ERC1: variants seen among roughly 807,000 people sequenced by gnomAD.
ERC1 encodes the protein RAB6 interacting protein 2.
In ERC1, 56 loss-of-function variants were observed where a neutral mutation model predicts 132.0. The ratio of observed to expected loss-of-function variants is 0.42; its 90% CI spans 0.34 to 0.53. The LOEUF (loss-of-function observed/expected upper bound fraction) is 0.53, where lower values mean the gene tolerates loss of function less well. Ranked by LOEUF, ERC1 falls within the 20% of genes least tolerant of loss-of-function variation. The pLI, the probability that ERC1 is intolerant of heterozygous loss-of-function variation, is 0.03. For missense variants in ERC1, 1,202 were observed against 1,349.9 expected (o/e 0.89, Z 1.72); for synonymous variants, 478 against 476.1 (o/e 1.00, Z -0.05).
chr12:1,149,429 C>T (rs1722089841), intron 8 of ERC1, among the ~76,000 whole-genome samples: 1 of 152,138 alleles, frequency 6.6e-6, no homozygotes, highest in Admixed American at 6.5e-5. Flanking sequence ...GACAGGGTCT[C>T]ACTGTGTTGC....
At chr12:1,317,891 G>A (rs1374894548) in intron 15 of ERC1, among the ~76,000 whole-genome samples, 1 of 152,000 alleles carries the variant, frequency 6.6e-6, no homozygotes, top group Non-Finnish European at 1.5e-5. Context: ...TCACATAAAG[G>A]GGCTTCTTCT....
At chr12:1,070,249 C>T (rs915778161) in intron 2 of ERC1, among the ~76,000 whole-genome samples, 1 of 151,920 alleles carries the variant, frequency 6.6e-6, no homozygotes, top group Admixed American at 6.6e-5. Flanking sequence ...TGGAAGTGTT[C>T]TTTAAAATCA....
chr12:1,113,871 G>A (rs1316280167), intron 6 of ERC1, among the ~76,000 whole-genome samples: 3 of 152,266 alleles, frequency 2.0e-5, no homozygotes, highest in South Asian at 2.1e-4. Flanking sequence ...ATTATTCAGG[G>A]ACACATAGCT....
At chr12:1,282,438 GTAAT>G (rs2078744118) in intron 14 of ERC1, among the ~76,000 whole-genome samples, 2 of 152,128 alleles carry the variant, frequency 1.3e-5, no homozygotes, top group Non-Finnish European at 2.9e-5. Flanking sequence ...AATAATGTAA[GTAAT>G]TATTATTGCA....
chr12:1,297,728 AAC>A (rs1237944924), intron 15 of ERC1, among the ~76,000 whole-genome samples: 2 of 151,570 alleles, frequency 1.3e-5, no homozygotes, highest in Non-Finnish European at 2.9e-5. Context: ...AAAAAAAAAA[AAC>A]ACAGACATGG....
intron 15 of ERC1, among the ~76,000 whole-genome samples, chr12:1,349,183 G>C (rs149739617): frequency 2.0e-5 from 3 of 152,330 alleles, no homozygotes; most frequent in African/African-American, 4.8e-5. Flanking sequence ...ACTGGAGTCA[G>C]TTCCGTGTTT....
At chr12:1,207,414 C>T (rs937313377) in intron 12 of ERC1, among the ~76,000 whole-genome samples, 1 of 152,038 alleles carries the variant, frequency 6.6e-6, no homozygotes, top group Non-Finnish European at 1.5e-5. Context: ...GGAGAATGAT[C>T]GTTATTATTT....
intron 7 of ERC1, among the ~76,000 whole-genome samples, chr12:1,139,420 C>A (rs555906818): frequency 2.1e-4 from 32 of 152,200 alleles, no homozygotes; most frequent in African/African-American, 7.5e-4. Flanking sequence ...CATATTGTTA[C>A]AATTGTTCTA....
At chr12:1,276,956 C>A (rs1048669184) in intron 14 of ERC1, among the ~76,000 whole-genome samples, 13 of 152,090 alleles carry the variant, frequency 8.5e-5, no homozygotes, top group Non-Finnish European at 1.6e-4. Context: ...TTCATCTGAA[C>A]AGAAGAACTT....
intron 5 of ERC1, 36 bp from the exon 6 acceptor site, chr12:1,112,179 A>T: frequency 7.0e-7 from 1 of 1,438,840 alleles, no homozygotes; most frequent in Non-Finnish European, 9.8e-7. Flanking sequence ...ACCTAAGTTG[A>T]CACATAAGTG....
At chr12:1,106,788 C>A (rs533184992) in intron 4 of ERC1, among the ~76,000 whole-genome samples, 2 of 152,156 alleles carry the variant, frequency 1.3e-5, no homozygotes, top group East Asian at 3.9e-4. Context: ...TGTTTAACTG[C>A]CTTTTGACAG....
chr12:1,440,369 T>G (rs1415542699), intron 17 of ERC1, among the ~76,000 whole-genome samples: 1 of 149,304 alleles, frequency 6.7e-6, no homozygotes, highest in Non-Finnish European at 1.5e-5. Flanking sequence ...CACGCCCGGC[T>G]AATTTTTTTT....
chr12:1,467,411 T>C (rs925608639), intron 18 of ERC1, among the ~76,000 whole-genome samples: 4 of 152,012 alleles, frequency 2.6e-5, no homozygotes, highest in African/African-American at 7.2e-5. Context: ...AAAGGAGGGT[T>C]CAAAAAAGGG....
chr12:1,091,504 C>T (rs541778806), intron 3 of ERC1, among the ~76,000 whole-genome samples: 2 of 152,262 alleles, frequency 1.3e-5, no homozygotes, highest in South Asian at 4.1e-4. Flanking sequence ...AAGGGGAAGA[C>T]TTAATGAGAT....
At chr12:1,250,381 T>C (rs907929727) in intron 13 of ERC1, among the ~76,000 whole-genome samples, 2 of 152,238 alleles carry the variant, frequency 1.3e-5, no homozygotes, top group Non-Finnish European at 2.9e-5. Flanking sequence ...TACTTTTCAA[T>C]ACATTGTTTT....
chr12:1,470,636 T>C (rs2093842264), intron 18 of ERC1, among the ~76,000 whole-genome samples: 1 of 152,162 alleles, frequency 6.6e-6, no homozygotes, highest in Admixed American at 6.5e-5. Context: ...GCCCTTAATT[T>C]GAACGTCTCT....
chr12:1,138,667 G>T (rs900586879), intron 7 of ERC1, among the ~76,000 whole-genome samples: 1 of 151,956 alleles, frequency 6.6e-6, no homozygotes, highest in African/African-American at 2.4e-5. Flanking sequence ...TGTGAACAAT[G>T]ACAAGAAAGA....
At chr12:1,356,199 CA>C (rs559125501) in intron 15 of ERC1, among the ~76,000 whole-genome samples, 3,296 of 110,482 alleles carry the variant, frequency 0.03, 50 homozygotes, top group Middle Eastern at 0.093. Flanking sequence ...GTGAGACTGT[CA>C]AAAAAAAAAA....
Position 1,028,168 on chromosome 12 carries a change from A to G in ERC1, c.265A>G (p.Met89Val). ...GGGTTCAGAAACACCTAAAAGCACC[A>G]TGACACTTGGCCGTTCTGGGGGACG... ...NVGSETPKSTMTLGRSGGRLP... is the reference protein window; with the variant it reads ...NVGSETPKSTVTLGRSGGRLP... The change falls in exon 2 of 19, where the codon ATG (methionine) becomes GTG (valine). Residue 89 changes from methionine (M) to valine (V), a missense_variant. Met to Val is a conservative substitution (Grantham distance 21). Transcript: ENST00000360905. 4.3e-6 allele frequency: 7 copies of G among 1,614,210 alleles called. No homozygotes were observed. The highest frequency in any genetic ancestry group is 2.7e-5 in the African/African-American group (2 of 75,058).
Sources: gnomAD v4.1 joint callset for allele counts (sites outside exome capture counted in the v4.1 genomes callset) on GRCh38, gnomAD v4.1.1 for gene constraint, MANE v1.5 for transcripts, NCBI Gene and HGNC (gene_info 2026-07-23, HGNC 2026-07-21) for gene names.